The following DCHS1 variants were observed in gnomAD, a reference collection of about 807,000 sequenced individuals.
DCHS1 encodes dachsous cadherin-related 1.
In DCHS1, 78 loss-of-function variants were observed where a neutral mutation model predicts 213.9. The ratio of observed to expected loss-of-function variants is 0.36; its 90% CI spans 0.30 to 0.44. DCHS1 has a LOEUF of 0.44. DCHS1 is among the 20% of genes least tolerant of loss of function. The probability of loss-of-function intolerance (pLI) is 1.00; values close to 1 mark genes in which losing one functional copy is unlikely to be tolerated. For synonymous variants in DCHS1, 1,828 were observed against 1,873.7 expected (o/e 0.98, Z 0.63); for missense variants, 3,946 against 4,395.9 (o/e 0.90, Z 2.89).
At position 6,622,579 on chromosome 11, in the gene DCHS1, G is replaced by A. The variant is rs1296900018; in HGVS notation, c.9097C>T (p.Arg3033Ter). 4 of 1,580,228 alleles carry A rather than the reference G, an allele frequency of 2.5e-6. No individual in the cohort carries two copies. The highest frequency in any genetic ancestry group is 1.8e-5 in the Admixed American group (1 of 54,812). The change falls in exon 21 of 21, where the codon CGA (arginine) becomes TGA (stop). Residue 3033 changes from arginine to a stop codon, truncating the protein, a stop_gained. Coordinates refer to ENST00000299441, the MANE Select transcript of DCHS1 (RefSeq NM_003737.4). LOFTEE classifies it high-confidence loss of function. The surrounding 1 kb of genome is among the most constrained non-coding windows in gnomAD (Gnocchi z 5.4). ...TCCTCTGCAGCCTCTGCTGATCCTC[G>A]GCCACTTGAATGTGAAGGGTCCAAG... ...GSLDPSHSSG[R>*]GSAEAAEDDE... is the part of the protein sequence containing the mutation.
Position 6,632,565 on chromosome 11 carries a change from G to A in DCHS1, c.2947C>T (p.Arg983Ter), listed in dbSNP as rs754395582. 1.3e-6 allele frequency: 2 copies of A among 1,516,002 alleles called. No individual in the cohort carries two copies. Among genetic ancestry groups the A allele is most frequent in the Non-Finnish European group, 1.8e-6 (2 of 1,128,858 alleles). 93.9% of individuals were successfully genotyped at this position (1,516,002 alleles called of 1,614,324 possible). ...GGSPPRTSHF[R>*]LRVVVQDVGT... ...ACATCCTGTACCACCACCCGTAGTCGAAAGTGGCTGGTGCGTGGTGGGGAG... is the reference window on the plus strand; with the variant it reads ...ACATCCTGTACCACCACCCGTAGTCAAAAGTGGCTGGTGCGTGGTGGGGAG... Residue 983 changes from arginine (R) to a stop codon, truncating the protein, a stop_gained, in exon 6 of 21, where the codon CGA becomes TGA. Coordinates refer to ENST00000299441, the MANE Select transcript of DCHS1 (RefSeq NM_003737.4). LOFTEE classifies it high-confidence loss of function. The surrounding 1 kb of genome is among the most constrained non-coding windows in gnomAD (Gnocchi z 5.9).
chr11:6,625,697 G>T lies in DCHS1; in HGVS notation c.6762C>A (p.Ser2254Arg). Residue 2254 changes from serine (S) to arginine (R), a missense_variant, in exon 18 of 21, where the codon AGC (serine) becomes AGA (arginine). By Grantham distance (110) the Ser-to-Arg change is moderately radical (BLOSUM62 -1). Around this residue, in one of 3 missense-constraint regions of DCHS1, gnomAD observed 3,384 missense variants for 3,780.1 expected, o/e 0.90. Coordinates refer to ENST00000299441, the MANE Select transcript of DCHS1 (RefSeq NM_003737.4). The surrounding 1 kb of genome is among the most constrained non-coding windows in gnomAD (Gnocchi z 5.3). ...RLVLMATDRGSPALVGSATLT... is the reference protein window; with the variant it reads ...RLVLMATDRGRPALVGSATLT... ...AGGTAGCTGAGCCCACCAGGGCTGG[G>T]CTCCCTCTGTCTGTGGCCATCAGCA... 6.2e-7 allele frequency: 1 copy of T among 1,610,520 alleles called. No homozygotes were observed. The highest frequency in any genetic ancestry group is 8.5e-7 in the Non-Finnish European group (1 of 1,178,638).
At chr11:6,629,641 C>T in intron 11 of DCHS1, 31 bp downstream of exon 11, 1 of 1,612,608 alleles carries the variant, frequency 6.2e-7, no homozygotes, top group Non-Finnish European at 8.5e-7. Context: ...CCCAGTCCAT[C>T]CCACTCATAA....
chr11:6,637,039 T>C (rs2659866), intron 2 of DCHS1, among the ~76,000 whole-genome samples: 2,120 of 152,346 alleles, frequency 0.014, 41 homozygotes, highest in African/African-American at 0.048. Flanking sequence ...TCACCTGGTA[T>C]ATCAATCAAC....
rs151157215 is a variant in DCHS1, at chr11:6,625,929, G to A, written c.6722C>T (p.Ala2241Val). 1.1e-4 allele frequency: 183 copies of A among 1,613,210 alleles called. No homozygotes were observed. Among genetic ancestry groups the A allele is most frequent in the Non-Finnish European group, 1.4e-4 (168 of 1,179,622 alleles). ...TTAILDREIW[A>V]ETRLVLMATD... Reference sequence around the variant, plus strand: ...CAGGGCCAGGCCTCACCGTGTTTCAGCCCAGATCTCACGGTCCAGGATGGC... The same window carrying A: ...CAGGGCCAGGCCTCACCGTGTTTCAACCCAGATCTCACGGTCCAGGATGGC... The change falls in exon 17 of 21, where the codon GCT becomes GTT. Residue 2241 changes from alanine (A) to valine (V), a missense_variant. Ala to Val is a moderately conservative substitution (Grantham distance 64, BLOSUM62 0). Transcript: ENST00000299441. The surrounding 1 kb of genome is among the most constrained non-coding windows in gnomAD (Gnocchi z 5.3).
chr11:6,632,757 G>C lies in DCHS1; in HGVS notation c.2755C>G (p.Leu919Val), dbSNP rs148008642. The change falls in exon 6 of 21, where the codon CTT becomes GTT. Residue 919 changes from leucine (L) to valine (V), a missense_variant. Leu to Val is a conservative substitution (Grantham distance 32, BLOSUM62 1). Around this residue, in one of 3 missense-constraint regions of DCHS1, gnomAD observed 3,384 missense variants for 3,780.1 expected, o/e 0.90. Coordinates refer to ENST00000299441, the MANE Select transcript of DCHS1 (RefSeq NM_003737.4). This position sits in a 1 kb window ranked among gnomAD's most constrained non-coding sequence, Gnocchi z 5.9. ...PGTPIYTLRALDPDSGVNSRV... is the reference protein window; with the variant it reads ...PGTPIYTLRAVDPDSGVNSRV... ...CTGTTAACACCTGAGTCGGGGTCAA[G>C]AGCCCGCAGTGTATAGATGGGAGTC... 12 of 1,612,666 alleles carry C rather than the reference G, an allele frequency of 7.4e-6. No individual in the cohort carries two copies. The highest frequency in any genetic ancestry group is 1.3e-5 in the African/African-American group (1 of 74,940).
At position 6,655,593 on chromosome 11, in the gene DCHS1, G is replaced by C. The variant is rs1235626905; in HGVS notation, c.-151C>G. The C allele has an allele frequency of 3.1e-6, 3 of 980,194 alleles. No individual in the cohort carries two copies. The African/African-American group carries it at 5.3e-5, about 17-fold the overall frequency. 60.7% of individuals were successfully genotyped at this position (980,194 alleles called of 1,614,324 possible). On this transcript the variant is annotated 5_prime_UTR_variant, in exon 1 of 21. Transcript: ENST00000299441. Reference sequence around the variant, plus strand: ...CGCGACGCGGGCTCCCTCGCCCGGTGCTGGGGCGCCGTCCGGCCGCGGTCA... The same window carrying C: ...CGCGACGCGGGCTCCCTCGCCCGGTCCTGGGGCGCCGTCCGGCCGCGGTCA...
chr11:6,623,899 G>A lies in DCHS1; in HGVS notation c.7777C>T (p.Leu2593=), dbSNP rs904009344. Residue 2593 remains leucine (L), a synonymous_variant, in exon 21 of 21, where the codon CTA becomes TTA. Coordinates refer to ENST00000299441, the MANE Select transcript of DCHS1 (RefSeq NM_003737.4). ...ACAGGTGGGTTGTCATTGACATCTA[G>A]TACAGTGACAGTGACTGGCACGACT... is the stretch of plus-strand genomic sequence containing the variant. The part of the protein sequence containing the change: ...SSVVPVTVTV[L]DVNDNPPVFT... 3 of 1,609,800 alleles carry A rather than the reference G, an allele frequency of 1.9e-6. No individual in the cohort carries two copies. Among genetic ancestry groups the A allele is most frequent in the South Asian group, 1.1e-5 (1 of 90,860 alleles).
Position 6,631,186 on chromosome 11 carries a change from A to G in DCHS1, c.3797T>C (p.Leu1266Pro). The change falls in exon 9 of 21, where the codon CTG (leucine) becomes CCG (proline). Residue 1266 changes from leucine (L) to proline (P), a missense_variant. Physicochemically the swap from Leu to Pro is moderately conservative, Grantham distance 98. Coordinates refer to ENST00000299441, the MANE Select transcript of DCHS1 (RefSeq NM_003737.4). ...GAGCAGCTCCCCTGAGTGAGGGTGC[A>G]GAGAGAAAAGCTCTGAGCCAGGACC... The part of the protein sequence containing the change: ...LTGPGSELFS[L>P]HPHSGELLTA... The G allele has an allele frequency of 6.2e-7, 1 of 1,611,690 alleles. No individual in the cohort carries two copies. The highest frequency in any genetic ancestry group is 8.5e-7 in the Non-Finnish European group (1 of 1,178,342).
At position 6,625,427 on chromosome 11, in the gene DCHS1, C is replaced by A; in HGVS notation, c.6917G>T (p.Gly2306Val). The change falls in exon 19 of 21, where the codon GGA (glycine) becomes GTA (valine). Residue 2306 changes from glycine to valine, a missense_variant. Gly to Val is a moderately radical substitution (Grantham distance 109). Transcript: ENST00000299441. The surrounding 1 kb of genome is among the most constrained non-coding windows in gnomAD (Gnocchi z 5.3). ...GCTTAGCACATACCACAGCACGGGT[C>A]CTGAGTCCACATCATTCCCTGTTAC... ...AQVTGNDVDSGPVLWYVLSPS... is the reference protein window; with the variant it reads ...AQVTGNDVDSVPVLWYVLSPS... 6.2e-7 allele frequency: 1 copy of A among 1,603,156 alleles called. No homozygotes were observed. The highest frequency in any genetic ancestry group is 8.5e-7 in the Non-Finnish European group (1 of 1,173,640).
Position 6,636,660 on chromosome 11 carries a change from T to A in DCHS1, c.1798-2354A>T, listed in dbSNP as rs536381421. On this transcript the variant is annotated intron_variant, in intron 2 of 20. Coordinates refer to ENST00000299441, the MANE Select transcript of DCHS1 (RefSeq NM_003737.4). ...CATCTCTCCTGCTATGACTTCTTGATGCTACTTTTCCTGCTTCTCCACCCA... is the reference window on the plus strand; with the variant it reads ...CATCTCTCCTGCTATGACTTCTTGAAGCTACTTTTCCTGCTTCTCCACCCA... 2.0e-5 allele frequency among the ~76,000 whole-genome samples: 3 copies of A among 152,294 alleles called. No individual in the cohort carries two copies. The South Asian group carries it at 6.2e-4, about 32-fold the overall frequency.
chr11:6,651,006 G>C (rs934550258), intron 1 of DCHS1, among the ~76,000 whole-genome samples: 1 of 152,210 alleles, frequency 6.6e-6, no homozygotes, highest in Non-Finnish European at 1.5e-5. Flanking sequence ...CTTCTGAAGA[G>C]TGAACGAGGG....
In DCHS1 at chr11:6,629,470, C is replaced by T; in HGVS notation, c.5143G>A (p.Glu1715Lys). Residue 1715 changes from glutamate (E) to lysine (K), a missense_variant, in exon 12 of 21, where the codon GAG becomes AAG. By Grantham distance (56) the Glu-to-Lys change is moderately conservative (BLOSUM62 1). Around this residue, in one of 3 missense-constraint regions of DCHS1, gnomAD observed 3,384 missense variants for 3,780.1 expected, o/e 0.90. Transcript: ENST00000299441. ...CATGTACCTGTCAGGTTGATCTCCT[C>T]CTGTTCCTCTCGATCCAGGGCCCGA... Reference protein sequence around the residue: ...TLRALDREEQEEINLTVYAQD... With the variant: ...TLRALDREEQKEINLTVYAQD... 1 of 1,613,076 alleles carries T rather than the reference C, an allele frequency of 6.2e-7. No homozygotes were observed. The highest frequency in any genetic ancestry group is 8.5e-7 in the Non-Finnish European group (1 of 1,179,524).
At chr11:6,633,191 G>A in intron 5 of DCHS1, 135 bp from the exon 6 acceptor site, 2 of 1,215,646 alleles carry the variant, frequency 1.6e-6, no homozygotes, top group Non-Finnish European at 2.3e-6. Context: ...AGGGGCAGGG[G>A]TTGGCAAAGA....
intron 1 of DCHS1, among the ~76,000 whole-genome samples, chr11:6,645,446 T>C (rs1856141310): frequency 1.3e-5 from 2 of 152,124 alleles, no homozygotes; most frequent in Non-Finnish European, 2.9e-5. Flanking sequence ...GGGAAGATAA[T>C]AGTGAGGCCA....
chr11:6,643,759 CCAGCT>C (rs1191125518), intron 1 of DCHS1, among the ~76,000 whole-genome samples: 3 of 152,198 alleles, frequency 2.0e-5, no homozygotes, highest in Non-Finnish European at 4.4e-5. Flanking sequence ...ATCTCCAGCT[CCAGCT>C]CTGAAGACCT....
At chr11:6,638,567 T>C (rs1856020091) in intron 2 of DCHS1, among the ~76,000 whole-genome samples, 2 of 152,182 alleles carry the variant, frequency 1.3e-5, no homozygotes, top group African/African-American at 4.8e-5. Context: ...ACACCTCATA[T>C]TATCCATTTG....
At position 6,626,183 on chromosome 11, in the gene DCHS1, C is replaced by G; in HGVS notation, c.6562G>C (p.Gly2188Arg). ...ACACCCCGCACCTGCAGCAGGGGCCCCTCCAAGGGCCGGGACTCAGGAAGG... is the reference window on the plus strand; with the variant it reads ...ACACCCCGCACCTGCAGCAGGGGCCGCTCCAAGGGCCGGGACTCAGGAAGG... ...AFLPESRPLE[G>R]PLLQVEADDL... The change falls in exon 16 of 21, where the codon GGG (glycine) becomes CGG (arginine). Residue 2188 changes from glycine (G) to arginine (R), a missense_variant. Gly to Arg is a moderately radical substitution (Grantham distance 125). Coordinates refer to ENST00000299441, the MANE Select transcript of DCHS1 (RefSeq NM_003737.4). This position sits in a 1 kb window ranked among gnomAD's most constrained non-coding sequence, Gnocchi z 5.2. 1 of 1,607,738 alleles carries G rather than the reference C, an allele frequency of 6.2e-7. No homozygotes were observed. Among genetic ancestry groups the G allele is most frequent in the South Asian group, 1.1e-5 (1 of 90,008 alleles).
intron 1 of DCHS1, among the ~76,000 whole-genome samples, chr11:6,654,839 T>A (rs933301407): frequency 6.6e-6 from 1 of 152,124 alleles, no homozygotes; most frequent in Non-Finnish European, 1.5e-5. Flanking sequence ...ACTGAGTTCA[T>A]TGTGCTTCTA....
Sources: allele counts gnomAD v4.1 joint callset (sites outside exome capture counted in the v4.1 genomes callset), GRCh38; gene constraint gnomAD v4.1.1; regional missense constraint gnomAD v4.1.1; non-coding constraint Gnocchi (gnomAD v3.1); transcripts MANE v1.5; gene names NCBI Gene and HGNC (gene_info 2026-07-23, HGNC 2026-07-21).